FOXP1: variants seen among roughly 807,000 people sequenced by gnomAD.
FOXP1 encodes the protein forkhead box P1.
Under a neutral mutation model 98.2 loss-of-function variants are expected in FOXP1, and 15 were observed. The ratio of observed to expected loss-of-function variants is 0.15; its 90% confidence interval spans 0.10 to 0.24. The LOEUF (loss-of-function observed/expected upper bound fraction) is 0.24, where lower values mean the gene tolerates loss of function less well. FOXP1 is among the 10% of genes least tolerant of loss of function. The pLI is 1.00. For synonymous variants in FOXP1, 371 were observed against 314.5 expected (o/e 1.18, Z -1.90); for missense variants, 633 against 848.5 (o/e 0.75, Z 3.15).
At chr3:71,422,225 A>C (rs1315572359) in intron 3 of FOXP1, among the ~76,000 whole-genome samples, 1 of 152,226 alleles carries the variant, frequency 6.6e-6, no homozygotes, top group African/African-American at 2.4e-5. Flanking sequence ...GGCACTTCAG[A>C]AGAGAGAAGC....
At chr3:71,409,931 C>A (rs1425019614) in intron 3 of FOXP1, among the ~76,000 whole-genome samples, 3 of 152,152 alleles carry the variant, frequency 2.0e-5, no homozygotes, top group Non-Finnish European at 4.4e-5. Context: ...GGGAGGATAA[C>A]CTGAGACCCA....
At chr3:71,082,517 C>G (rs2054554686) in intron 7 of FOXP1, among the ~76,000 whole-genome samples, 1 of 151,692 alleles carries the variant, frequency 6.6e-6, no homozygotes, top group Non-Finnish European at 1.5e-5. Flanking sequence ...GGAGAAATAC[C>G]TAATGTAGAT....
At chr3:71,251,440 G>C (rs936234979) in intron 5 of FOXP1, among the ~76,000 whole-genome samples, 2 of 152,186 alleles carry the variant, frequency 1.3e-5, no homozygotes, top group Non-Finnish European at 2.9e-5. Context: ...GATTAGTATT[G>C]ATGTAACAAA....
At chr3:70,988,854 C>T (rs775021688) in intron 13 of FOXP1, among the ~76,000 whole-genome samples, 7 of 151,994 alleles carry the variant, frequency 4.6e-5, no homozygotes, top group South Asian at 2.1e-4. Flanking sequence ...GGACACATAA[C>T]GATTACTTCT....
At chr3:71,354,522 A>G (rs2078027461) in intron 4 of FOXP1, among the ~76,000 whole-genome samples, 1 of 152,242 alleles carries the variant, frequency 6.6e-6, no homozygotes, top group South Asian at 2.1e-4. Flanking sequence ...GAGACAGGTC[A>G]TGAGCATCCA....
intron 2 of FOXP1, among the ~76,000 whole-genome samples, chr3:71,494,516 T>C (rs1014875846): frequency 6.6e-6 from 1 of 152,172 alleles, no homozygotes; most frequent in African/African-American, 2.4e-5. Context: ...CCTAACCCTA[T>C]TGAGCCAGCA....
At chr3:71,412,014 T>A (rs1317874997) in intron 3 of FOXP1, among the ~76,000 whole-genome samples, 1 of 152,238 alleles carries the variant, frequency 6.6e-6, no homozygotes, top group African/African-American at 2.4e-5. Context: ...GTTATTACTA[T>A]TAAAAGCGCA....
intron 2 of FOXP1, among the ~76,000 whole-genome samples, chr3:71,513,838 A>C (rs2042372910): frequency 6.6e-6 from 1 of 152,122 alleles, no homozygotes; most frequent in Admixed American, 6.5e-5. Context: ...TAGCTGCTGA[A>C]ATGACCTGCC....
chr3:71,564,817 A>G (rs2046791090), intron 2 of FOXP1, among the ~76,000 whole-genome samples: 1 of 152,248 alleles, frequency 6.6e-6, no homozygotes, highest in Non-Finnish European at 1.5e-5. Flanking sequence ...GAAAAGAGAA[A>G]GAAAATAAAT....
chr3:71,475,357 C>T lies in FOXP1; in HGVS notation c.-168+18069G>A, dbSNP rs181918408. On this transcript the variant is annotated intron_variant, in intron 3 of 20. Transcript: ENST00000649528. Reference sequence around the variant, plus strand: ...GAAGTAATGATTAGCACAGAAAATACGTTTGGTCTCAAATATTCCCACCAA... The same window carrying T: ...GAAGTAATGATTAGCACAGAAAATATGTTTGGTCTCAAATATTCCCACCAA... 1.9e-3 allele frequency among the ~76,000 whole-genome samples: 284 copies of T among 152,204 alleles called. 2 individuals carry two copies. Among genetic ancestry groups the T allele is most frequent in the Middle Eastern group, 3.4e-3 (1 of 294 alleles).
At chr3:71,096,765 G>A (rs189623395) in intron 7 of FOXP1, among the ~76,000 whole-genome samples, 1 of 152,270 alleles carries the variant, frequency 6.6e-6, no homozygotes, top group East Asian at 1.9e-4. Flanking sequence ...TCAGAAGGAC[G>A]AGAGTAAAGT....
chr3:71,222,928 A>G (rs756974151), intron 5 of FOXP1, among the ~76,000 whole-genome samples: 21 of 151,650 alleles, frequency 1.4e-4, no homozygotes, highest in African/African-American at 5.1e-4. Context: ...GTCACTGTCA[A>G]CTCCTTTGAT....
intron 5 of FOXP1, among the ~76,000 whole-genome samples, chr3:71,296,719 G>A (rs1288703): frequency 0.83 from 126,473 of 152,130 alleles, 52,728 homozygotes; most frequent in East Asian, 0.95. Context: ...TTGAAATCTG[G>A]TCCCCAATGT....
chr3:70,963,829 G>T (rs2034136382), intron 20 of FOXP1, among the ~76,000 whole-genome samples: 2 of 152,132 alleles, frequency 1.3e-5, no homozygotes, highest in Admixed American at 6.5e-5. Context: ...TTCAAAGGAC[G>T]AACGAAACGT....
At chr3:71,534,460 A>G (rs1041431243) in intron 2 of FOXP1, among the ~76,000 whole-genome samples, 75 of 152,218 alleles carry the variant, frequency 4.9e-4, no homozygotes, top group African/African-American at 1.8e-3. Flanking sequence ...TCGAAAAAAA[A>G]TCCACGTATG....
chr3:71,529,574 C>G (rs2043665378), intron 2 of FOXP1, among the ~76,000 whole-genome samples: 1 of 152,158 alleles, frequency 6.6e-6, no homozygotes, highest in Non-Finnish European at 1.5e-5. Context: ...CCTCTGACCT[C>G]CAAGTTCTGA....
In FOXP1 at chr3:71,457,785, A is replaced by T. The variant is rs73091802; in HGVS notation, c.-168+35641T>A. Among the ~76,000 whole-genome samples the T allele has an allele frequency of 4.8e-3, 737 of 152,332 alleles. 3 individuals are homozygous for T. The highest frequency in any genetic ancestry group is 8.4e-3 in the Non-Finnish European group (570 of 68,032). On this transcript the variant is annotated intron_variant, in intron 3 of 20. Coordinates refer to ENST00000649528, the MANE Select transcript of FOXP1 (RefSeq NM_001349338.3). ...ACTCGAAGAGATATGCCTGGGAAAT[A>T]GGATTTTATTGATATTTATGGGTAA... is the stretch of plus-strand genomic sequence containing the variant.
chr3:71,341,836 T>C (rs1240971196), intron 4 of FOXP1, among the ~76,000 whole-genome samples: 1 of 152,254 alleles, frequency 6.6e-6, no homozygotes, highest in Non-Finnish European at 1.5e-5. Flanking sequence ...ACAGCAATCA[T>C]TTTCACTCAG....
rs183165807 is a variant in FOXP1, at chr3:71,493,430, T to C, written c.-172A>G. On this transcript the variant is annotated 5_prime_UTR_variant, in exon 3 of 21. Coordinates refer to ENST00000649528, the MANE Select transcript of FOXP1 (RefSeq NM_001349338.3). ...CACAAACATTCATTCACTCACCCTT[T>C]TGGCTAGCAGGCATCACATCCATCC... 6.6e-6 allele frequency: 1 copy of C among 152,338 alleles called. No individual in the cohort carries two copies. The highest frequency in any genetic ancestry group is 1.5e-5 in the Non-Finnish European group (1 of 68,030). The allele number at this position is 152,338 out of a possible 1,614,324, so 9.4% of individuals were successfully genotyped here. A position where few individuals can be genotyped will look rare whatever the true frequency, so the allele number is the denominator to read the frequency against.
Sources: gnomAD v4.1 joint callset for allele counts (sites outside exome capture counted in the v4.1 genomes callset) on GRCh38, gnomAD v4.1.1 for gene constraint, MANE v1.5 for transcripts, NCBI Gene and HGNC (gene_info 2026-07-23, HGNC 2026-07-21) for gene names.